UNC13B: variants seen among roughly 807,000 people sequenced by gnomAD.
UNC13B encodes unc-13 homolog B, also known as protein unc-13 homolog B.
UNC13B carries 144 observed loss-of-function variants against 211.0 expected under a neutral mutation model. The ratio of observed to expected loss-of-function variants is 0.68; its 90% CI spans 0.60 to 0.78. The LOEUF (loss-of-function observed/expected upper bound fraction) is 0.78. Among genes scored for constraint, UNC13B ranks in the 30% least tolerant of loss-of-function variants. UNC13B has a pLI of 0.00. For missense variants in UNC13B, 1,777 were observed against 2,002.0 expected, an observed-to-expected ratio of 0.89 and a Z score of 2.14; for synonymous variants, 709 against 725.8, an observed-to-expected ratio of 0.98 and a Z score of 0.37.
At chr9:35,401,314 G>A (rs1836284989) in intron 37 of UNC13B, among the ~76,000 whole-genome samples, 1 of 152,196 alleles carries the variant, frequency 6.6e-6, no homozygotes, top group Non-Finnish European at 1.5e-5. Context: ...TGGAAAGTAA[G>A]AAAATGGAAG....
chr9:35,269,336 T>C (rs1257769906), intron 7 of UNC13B, among the ~76,000 whole-genome samples: 1 of 152,164 alleles, frequency 6.6e-6, no homozygotes, highest in Non-Finnish European at 1.5e-5. Flanking sequence ...AAATGATACA[T>C]TGGAGGAAGT....
chr9:35,285,631 T>C (rs1448567404), intron 7 of UNC13B, among the ~76,000 whole-genome samples: 1 of 152,034 alleles, frequency 6.6e-6, no homozygotes, highest in African/African-American at 2.4e-5. Flanking sequence ...GTAGGAGGAT[T>C]GGTTGAGGCA....
rs1030661964 is a variant in UNC13B at position 35,258,978 on chromosome 9, C to T, written c.469-15C>T. ...GATTGTATTTATTTATTTATTTTCT[C>T]CTTTCTGCTTCTAGTATTCTAGTCA... On this transcript the variant is annotated splice_polypyrimidine_tract_variant and intron_variant, in intron 6 of 39. Transcript: ENST00000635942. The T allele has an allele frequency of 1.2e-6, 2 of 1,610,224 alleles. No individual in the cohort carries two copies. Among genetic ancestry groups the T allele is most frequent in the Non-Finnish European group, 1.7e-6 (2 of 1,178,408 alleles).
At chr9:35,368,014 A>G (rs1240794593) in intron 12 of UNC13B, among the ~76,000 whole-genome samples, 1 of 152,186 alleles carries the variant, frequency 6.6e-6, no homozygotes, top group Non-Finnish European at 1.5e-5. Flanking sequence ...ATGATCTACT[A>G]TATTTTTACA....
At chr9:35,251,221 C>A (rs914293854) in intron 6 of UNC13B, among the ~76,000 whole-genome samples, 56 of 152,222 alleles carry the variant, frequency 3.7e-4, no homozygotes, top group African/African-American at 1.3e-3. Flanking sequence ...GCCTCGGCCT[C>A]CCAAAGTGCT....
intron 7 of UNC13B, among the ~76,000 whole-genome samples, chr9:35,279,476 G>A (rs1230318569): frequency 6.6e-6 from 1 of 151,802 alleles, no homozygotes; most frequent in Non-Finnish European, 1.5e-5. Flanking sequence ...AACCACTTTT[G>A]GCTATTGTGA....
intron 6 of UNC13B, among the ~76,000 whole-genome samples, 177 bp downstream of exon 6, chr9:35,243,541 C>T (rs1414064404): frequency 6.6e-6 from 1 of 152,126 alleles, no homozygotes; most frequent in East Asian, 1.9e-4. Context: ...GGTTCCATCT[C>T]CAATTTATTC....
rs1017236994 is a variant in UNC13B, at chr9:35,228,106, A to T, written c.52+62A>T. The T allele has an allele frequency of 2.1e-5, 30 of 1,411,054 alleles. No individual in the cohort carries two copies. The African/African-American group carries it at 2.3e-4, about 11-fold the overall frequency. The allele number at this position is 1,411,054 out of a possible 1,614,324, so 87.4% of individuals were successfully genotyped here. A position where few individuals can be genotyped will look rare whatever the true frequency, so the allele number is the denominator to read the frequency against. On this transcript the variant is annotated intron_variant, in intron 2 of 39. Transcript: ENST00000635942. ...ATTTGCTGTTATTTCAAAGCAATTTAAAAAAATTATTAATTCATTGATCAA... is the reference window on the plus strand; with the variant it reads ...ATTTGCTGTTATTTCAAAGCAATTTTAAAAAATTATTAATTCATTGATCAA...
Position 35,270,565 on chromosome 9 carries a change from A to G in UNC13B, c.526+11515A>G, listed in dbSNP as rs539211208. Among the ~76,000 whole-genome samples the G allele has an allele frequency of 7.9e-5, 12 of 152,316 alleles. No individual in the cohort carries two copies. In the South Asian group the frequency reaches 1.0e-3, roughly 13 times the overall value. Reference sequence around the variant, plus strand: ...CAGTGCTATTATCAACAATAAGACAACAGTCTTTAAGATTCTTGAAAGTTT... The same window carrying G: ...CAGTGCTATTATCAACAATAAGACAGCAGTCTTTAAGATTCTTGAAAGTTT... On this transcript the variant is annotated intron_variant, in intron 7 of 39. Transcript: ENST00000635942.
chr9:35,403,381 G>A, intron 38 of UNC13B, 59 bp from the exon 39 acceptor site: 1 of 1,605,354 alleles, frequency 6.2e-7, no homozygotes, highest in African/African-American at 1.3e-5. Context: ...AGGTCACCTG[G>A]GGTTCAAGAA....
Position 35,390,555 on chromosome 9 carries a change from A to C in UNC13B, c.11223-74A>C, listed in dbSNP as rs1835468581. 9 of 1,508,826 alleles carry C rather than the reference A, an allele frequency of 6.0e-6. No homozygotes were observed. In the South Asian group the frequency reaches 1.0e-4, roughly 17 times the overall value. The allele number at this position is 1,508,826 out of a possible 1,614,324, so 93.5% of individuals were successfully genotyped here. A position where few individuals can be genotyped will look rare whatever the true frequency, so the allele number is the denominator to read the frequency against. On this transcript the variant is annotated intron_variant, in intron 25 of 39. Transcript: ENST00000635942. Reference sequence around the variant, plus strand: ...CCAATATGACTTCCAAGAACTAGGCACTTTAGCCTTGAAATGAATCAAATC... The same window carrying C: ...CCAATATGACTTCCAAGAACTAGGCCCTTTAGCCTTGAAATGAATCAAATC...
intron 24 of UNC13B, among the ~76,000 whole-genome samples, chr9:35,388,793 G>A (rs1272775259): frequency 6.6e-6 from 1 of 152,182 alleles, no homozygotes; most frequent in Admixed American, 6.5e-5. Flanking sequence ...TGTATTGAAC[G>A]CCGTTGAAGG....
At position 35,319,402 on chromosome 9, in the gene UNC13B, C is replaced by CAA. The variant is rs74176715; in HGVS notation, c.9414+5446_9414+5447dup. Among the ~76,000 whole-genome samples, 89 of 56,184 alleles carry CAA rather than the reference C, an allele frequency of 1.6e-3. 3 individuals are homozygous for CAA. Among genetic ancestry groups the CAA allele is most frequent in the African/African-American group, 3.5e-3 (42 of 11,908 alleles). 36.9% of individuals were successfully genotyped at this position (56,184 alleles called of 152,430 possible). ...TAGGTGACAGAGTGAGACCCTATCT[C>CAA]AAAAAAAAAAAAAAAAAAAAAAAAA... On this transcript the variant is annotated intron_variant, in intron 11 of 39. Transcript: ENST00000635942.
At chr9:35,184,880 G>A (rs1003669471) in intron 1 of UNC13B, among the ~76,000 whole-genome samples, 7 of 149,748 alleles carry the variant, frequency 4.7e-5, no homozygotes, top group African/African-American at 1.7e-4. Flanking sequence ...GAGGGAGAGA[G>A]CACAAAATTT....
In UNC13B at chr9:35,259,325, C is replaced by T. The variant is rs184790949; in HGVS notation, c.526+275C>T. Among the ~76,000 whole-genome samples the T allele has an allele frequency of 3.3e-5, 5 of 152,164 alleles. No individual in the cohort carries two copies. In the East Asian group the frequency reaches 7.7e-4, roughly 24 times the overall value. On this transcript the variant is annotated intron_variant, in intron 7 of 39. Transcript: ENST00000635942. ...GGAGGAATGATTTAACCCCCTCTAT[C>T]CCTGTTTACCTGTTATTATTCTTTA... is the stretch of plus-strand genomic sequence containing the variant.
chr9:35,229,495 C>A (rs1056741286), intron 2 of UNC13B, among the ~76,000 whole-genome samples: 1 of 152,122 alleles, frequency 6.6e-6, no homozygotes, highest in African/African-American at 2.4e-5. Context: ...CACCAACCAC[C>A]AATTGTCAAT....
chr9:35,205,769 T>C (rs1050127952), intron 1 of UNC13B, among the ~76,000 whole-genome samples: 5 of 152,358 alleles, frequency 3.3e-5, no homozygotes, highest in Admixed American at 3.3e-4. Context: ...ATTATATGGG[T>C]ATACTATAAT....
At chr9:35,294,281 T>C (rs2131792160) in intron 7 of UNC13B, among the ~76,000 whole-genome samples, 1 of 152,194 alleles carries the variant, frequency 6.6e-6, no homozygotes, top group African/African-American at 2.4e-5. Flanking sequence ...CTTCAGGAGG[T>C]TTCCACTGCC....
chr9:35,243,859 A>G (rs545834869), intron 6 of UNC13B, among the ~76,000 whole-genome samples: 4 of 152,098 alleles, frequency 2.6e-5, no homozygotes, highest in Middle Eastern at 3.2e-3. Context: ...GTTATTGCTG[A>G]TGGAGGGAAA....
Sources: gnomAD v4.1 joint callset for allele counts (sites outside exome capture counted in the v4.1 genomes callset) on GRCh38, gnomAD v4.1.1 for gene constraint, MANE v1.5 for transcripts, NCBI Gene and HGNC (gene_info 2026-07-23, HGNC 2026-07-21) for gene names.